The following APBB2 variants were observed in gnomAD, a reference collection of about 807,000 sequenced individuals.
APBB2 encodes the protein Fe65-like 1.
Under a neutral mutation model 82.5 loss-of-function variants are expected in APBB2, and 38 were observed. That is an observed-to-expected ratio of 0.46 (90% CI 0.36 to 0.60). The LOEUF is 0.60. Among genes scored for constraint, APBB2 ranks in the 20% least tolerant of loss-of-function variants. APBB2 has a pLI of 0.00. For synonymous variants in APBB2, 341 were observed against 368.2 expected (o/e 0.93, Z 0.85); for missense variants, 772 against 972.3 (o/e 0.79, Z 2.74).
intron 6 of APBB2, among the ~76,000 whole-genome samples, chr4:40,978,629 G>A (rs1403194554): frequency 6.6e-6 from 1 of 152,220 alleles, no homozygotes; most frequent in Non-Finnish European, 1.5e-5. Flanking sequence ...CGTCAATCAC[G>A]AAAAGGGTTT....
intron 5 of APBB2, 137 bp downstream of exon 5, chr4:41,033,099 T>G: frequency 2.8e-6 from 2 of 707,364 alleles, no homozygotes. Context: ...CATTTTTCTA[T>G]TACATTAGTG....
intron 2 of APBB2, among the ~76,000 whole-genome samples, chr4:41,117,289 ATTATTAT>A (rs1560796255): frequency 7.5e-6 from 1 of 133,662 alleles, no homozygotes; most frequent in Non-Finnish European, 1.6e-5. Flanking sequence ...TGTTATTATT[ATTATTAT>A]TTTTTTTTTT....
intron 6 of APBB2, among the ~76,000 whole-genome samples, chr4:40,971,882 T>C (rs1389182243): frequency 1.3e-5 from 2 of 152,164 alleles, no homozygotes; most frequent in Admixed American, 6.5e-5. Context: ...GAAAAGCCTA[T>C]AGTGCATAAT....
chr4:40,960,164 T>C (rs1792706449), intron 6 of APBB2, among the ~76,000 whole-genome samples: 1 of 151,494 alleles, frequency 6.6e-6, no homozygotes, highest in South Asian at 2.1e-4. Context: ...GGAGGAGGAG[T>C]ACAGAGAAAA....
chr4:40,917,400 G>GTCCT (rs1780119705), intron 10 of APBB2, among the ~76,000 whole-genome samples: 1 of 152,068 alleles, frequency 6.6e-6, no homozygotes, highest in African/African-American at 2.4e-5. Context: ...GAACAGTGGG[G>GTCCT]TCCTCTGTCC....
chr4:40,981,647 A>C (rs935905856), intron 6 of APBB2, among the ~76,000 whole-genome samples: 1 of 152,182 alleles, frequency 6.6e-6, no homozygotes, highest in Non-Finnish European at 1.5e-5. Context: ...CTCTGCTACC[A>C]ACAGACAATG....
intron 1 of APBB2, among the ~76,000 whole-genome samples, chr4:41,196,599 C>CTTTTT: frequency 4.1e-4 from 41 of 100,332 alleles, no homozygotes; most frequent in Non-Finnish European, 4.6e-4. Flanking sequence ...AAGCCCCCTG[C>CTTTTT]TTTTTTTTTT....
chr4:40,837,898 C>T (rs150774857), intron 12 of APBB2, among the ~76,000 whole-genome samples: 1 of 152,186 alleles, frequency 6.6e-6, no homozygotes. Context: ...CTTTTCATTC[C>T]TGTCTTTTTG....
chr4:40,918,718 C>G (rs1780485846), intron 10 of APBB2, among the ~76,000 whole-genome samples: 1 of 149,270 alleles, frequency 6.7e-6, no homozygotes, highest in Non-Finnish European at 1.5e-5. Flanking sequence ...TCCTTCCTTC[C>G]TTCCTCCCTC....
intron 5 of APBB2, among the ~76,000 whole-genome samples, chr4:41,026,007 G>A (rs1243105058): frequency 2.0e-5 from 3 of 151,116 alleles, no homozygotes; most frequent in Non-Finnish European, 4.4e-5. Context: ...GGAATACTAT[G>A]CAGCCATAAA....
At chr4:41,111,512 T>C (rs1749187050) in intron 2 of APBB2, among the ~76,000 whole-genome samples, 1 of 152,174 alleles carries the variant, frequency 6.6e-6, no homozygotes, top group African/African-American at 2.4e-5. Context: ...GTATATAACA[T>C]GTAGATTGAA....
chr4:41,046,563 T>A (rs1723495644), intron 4 of APBB2, among the ~76,000 whole-genome samples: 1 of 151,960 alleles, frequency 6.6e-6, no homozygotes, highest in Non-Finnish European at 1.5e-5. Context: ...AGAGATGAAC[T>A]GCCTCATAAA....
intron 6 of APBB2, among the ~76,000 whole-genome samples, chr4:40,996,260 T>C (rs1433342516): frequency 6.6e-6 from 1 of 152,214 alleles, no homozygotes; most frequent in African/African-American, 2.4e-5. Flanking sequence ...ATATTTAAGA[T>C]GAGGAAAAAC....
intron 6 of APBB2, among the ~76,000 whole-genome samples, chr4:40,990,483 C>G (rs1801714230): frequency 6.6e-6 from 1 of 152,102 alleles, no homozygotes; most frequent in Admixed American, 6.5e-5. Context: ...AGACACTGTG[C>G]CATAACCGCT....
chr4:40,833,924 T>G (rs538907967), intron 12 of APBB2, among the ~76,000 whole-genome samples: 1 of 152,352 alleles, frequency 6.6e-6, no homozygotes, highest in African/African-American at 2.4e-5. Context: ...TTCGGCTTTG[T>G]GCCCTCTGTG....
intron 10 of APBB2, among the ~76,000 whole-genome samples, chr4:40,923,133 G>A (rs113547413): frequency 0.22 from 34,016 of 151,276 alleles, 4,080 homozygotes; most frequent in Admixed American, 0.29. Context: ...CCGCCACCGC[G>A]CCCGGCTAAT....
At chr4:41,001,402 T>C (rs1324252284) in intron 6 of APBB2, among the ~76,000 whole-genome samples, 1 of 152,218 alleles carries the variant, frequency 6.6e-6, no homozygotes, top group Non-Finnish European at 1.5e-5. Context: ...AAGCCATTTA[T>C]AGGATAAAGA....
At chr4:40,913,648 CAT>C (rs1215743722) in intron 10 of APBB2, among the ~76,000 whole-genome samples, 1 of 152,196 alleles carries the variant, frequency 6.6e-6, no homozygotes. Flanking sequence ...GCCCAATGCA[CAT>C]GTTCCTAGCT....
At chr4:41,129,852 G>A (rs924492499) in intron 2 of APBB2, among the ~76,000 whole-genome samples, 1 of 151,928 alleles carries the variant, frequency 6.6e-6, no homozygotes, top group Non-Finnish European at 1.5e-5. Context: ...TGAGAAGAGA[G>A]AGACAATAAC....
Sources: allele counts gnomAD v4.1 joint callset (sites outside exome capture counted in the v4.1 genomes callset), GRCh38; gene constraint gnomAD v4.1.1; transcripts MANE v1.5; gene names NCBI Gene and HGNC (gene_info 2026-07-23, HGNC 2026-07-21).